The following NEK11 variants were observed in gnomAD, a reference collection of about 807,000 sequenced individuals.
NEK11 encodes serine/threonine-protein kinase Nek11.
Under a neutral mutation model 80.7 loss-of-function variants are expected in NEK11, and 72 were observed. That is an observed-to-expected ratio of 0.89 (90% CI 0.74 to 1.08). NEK11 has a LOEUF of 1.08. NEK11 is among the 50% of genes least tolerant of loss of function. The pLI, the probability that NEK11 is intolerant of heterozygous loss-of-function variation, is 0.00. For missense variants in NEK11, 764 were observed against 763.6 expected (o/e 1.00, Z -0.01); for synonymous variants, 251 against 260.7 (o/e 0.96, Z 0.36).
chr3:131,038,585 G>T (rs1023889583), intron 3 of NEK11, among the ~76,000 whole-genome samples: 1 of 152,136 alleles, frequency 6.6e-6, no homozygotes, highest in Non-Finnish European at 1.5e-5. Context: ...GGCCAAAAAA[G>T]CCTCCTTTTA....
At chr3:131,093,636 C>T (rs1163608759) in intron 4 of NEK11, among the ~76,000 whole-genome samples, 3 of 152,048 alleles carry the variant, frequency 2.0e-5, no homozygotes, top group African/African-American at 7.2e-5. Context: ...AGGTTGTTCT[C>T]GAACTCCTGA....
At chr3:131,341,099 A>G (rs1250898105) in intron 17 of NEK11, among the ~76,000 whole-genome samples, 1 of 152,204 alleles carries the variant, frequency 6.6e-6, no homozygotes, top group Non-Finnish European at 1.5e-5. Flanking sequence ...GATAACAGCA[A>G]GAGAGTCCTC....
At chr3:131,203,767 GTATA>G (rs150951735) in intron 14 of NEK11, among the ~76,000 whole-genome samples, 266 of 53,468 alleles carry the variant, frequency 5.0e-3, no homozygotes, top group East Asian at 0.01. Flanking sequence ...GTGTGTGTGT[GTATA>G]TATATATATA....
intron 4 of NEK11, among the ~76,000 whole-genome samples, chr3:131,088,589 A>T (rs1015643358): frequency 1.4e-4 from 21 of 151,576 alleles, no homozygotes; most frequent in Admixed American, 4.6e-4. Flanking sequence ...GTTTTTTTTT[A>T]AAAAACCCTG....
chr3:131,226,783 G>A (rs1428030275), intron 14 of NEK11, among the ~76,000 whole-genome samples: 2 of 151,976 alleles, frequency 1.3e-5, no homozygotes, highest in African/African-American at 2.4e-5. Context: ...CACTACAAAA[G>A]TCACCCATGT....
At chr3:131,258,546 G>A (rs1024707458) in intron 16 of NEK11, among the ~76,000 whole-genome samples, 1 of 152,120 alleles carries the variant, frequency 6.6e-6, no homozygotes, top group East Asian at 1.9e-4. Context: ...TTAGGGTCTG[G>A]CTTCCACAAA....
At chr3:131,310,415 G>T (rs1440116273) in intron 17 of NEK11, among the ~76,000 whole-genome samples, 1 of 152,150 alleles carries the variant, frequency 6.6e-6, no homozygotes, top group African/African-American at 2.4e-5. Flanking sequence ...AATACGAGGT[G>T]ATTACAGGAG....
intron 14 of NEK11, among the ~76,000 whole-genome samples, chr3:131,178,057 G>A (rs1185186885): frequency 6.6e-6 from 1 of 152,132 alleles, no homozygotes; most frequent in Non-Finnish European, 1.5e-5. Flanking sequence ...TAACACAGTG[G>A]TAAGTATTTG....
chr3:131,054,798 G>A (rs719552), intron 3 of NEK11, among the ~76,000 whole-genome samples: 19,934 of 123,368 alleles, frequency 0.16, 1,514 homozygotes, highest in Non-Finnish European at 0.18. Flanking sequence ...ATAAATGAAT[G>A]AATGTACCCG....
intron 3 of NEK11, among the ~76,000 whole-genome samples, chr3:131,076,548 C>G (rs997118707): frequency 6.6e-6 from 1 of 152,120 alleles, no homozygotes; most frequent in Non-Finnish European, 1.5e-5. Flanking sequence ...CATAATCTCT[C>G]TTTGTAAAAC....
chr3:131,147,913 G>A (rs2088720220), intron 7 of NEK11, among the ~76,000 whole-genome samples: 1 of 151,636 alleles, frequency 6.6e-6, no homozygotes. Context: ...GATGATAGTA[G>A]GCATTCTTAT....
chr3:131,271,581 G>C (rs1240257878), intron 16 of NEK11, among the ~76,000 whole-genome samples: 1 of 151,708 alleles, frequency 6.6e-6, no homozygotes, highest in Non-Finnish European at 1.5e-5. Flanking sequence ...GATCACCTCA[G>C]GTCAGGAGTT....
At chr3:131,125,572 C>T (rs2083177328) in intron 5 of NEK11, among the ~76,000 whole-genome samples, 1 of 152,102 alleles carries the variant, frequency 6.6e-6, no homozygotes, top group Admixed American at 6.5e-5. Context: ...CCATCTCTTA[C>T]AGTTGCTGAT....
At chr3:131,108,923 G>T (rs1232281912) in intron 4 of NEK11, among the ~76,000 whole-genome samples, 1 of 152,006 alleles carries the variant, frequency 6.6e-6, no homozygotes, top group East Asian at 1.9e-4. Context: ...CAATATAAGT[G>T]CCAATTTAGT....
intron 12 of NEK11, among the ~76,000 whole-genome samples, chr3:131,167,019 C>T (rs1338283838): frequency 1.3e-5 from 2 of 152,156 alleles, no homozygotes; most frequent in African/African-American, 4.8e-5. Context: ...ATAAGAATTC[C>T]GAGTTTGTTA....
intron 16 of NEK11, among the ~76,000 whole-genome samples, chr3:131,264,330 A>G (rs1183329794): frequency 6.6e-6 from 1 of 152,136 alleles, no homozygotes; most frequent in South Asian, 2.1e-4. Flanking sequence ...TTCTTCTAGG[A>G]TTTTTATGGT....
At chr3:131,181,878 C>G (rs1460070607) in intron 14 of NEK11, among the ~76,000 whole-genome samples, 1 of 151,294 alleles carries the variant, frequency 6.6e-6, no homozygotes, top group Non-Finnish European at 1.5e-5. Flanking sequence ...AGTCAAATAA[C>G]CACCATCTTT....
chr3:131,248,587 C>T (rs1426595680), intron 16 of NEK11, among the ~76,000 whole-genome samples: 1 of 151,986 alleles, frequency 6.6e-6, no homozygotes, highest in African/African-American at 2.4e-5. Flanking sequence ...GCCTGGATTG[C>T]ATGGTCCCCC....
At chr3:131,154,521 A>G (rs2090296721) in intron 9 of NEK11, among the ~76,000 whole-genome samples, 1 of 152,234 alleles carries the variant, frequency 6.6e-6, no homozygotes, top group Non-Finnish European at 1.5e-5. Context: ...GTGCAAGTTC[A>G]GGGTTGGATC....
Sources: allele counts gnomAD v4.1 joint callset (sites outside exome capture counted in the v4.1 genomes callset), GRCh38; gene constraint gnomAD v4.1.1; transcripts MANE v1.5; gene names NCBI Gene and HGNC (gene_info 2026-07-23, HGNC 2026-07-21).